The following PTPRN2 variants were observed in gnomAD, a reference collection of about 807,000 sequenced individuals.
PTPRN2 encodes the protein protein tyrosine phosphatase receptor type N2.
Under a neutral mutation model 118.8 loss-of-function variants are expected in PTPRN2, and 74 were observed. That is an observed-to-expected ratio of 0.62 (90% CI 0.52 to 0.76). PTPRN2 has a LOEUF of 0.76. PTPRN2 is among the 30% of genes least tolerant of loss of function. PTPRN2 has a pLI of 0.00. For synonymous variants in PTPRN2, 641 were observed against 608.0 expected (o/e 1.05, Z -0.80); for missense variants, 1,481 against 1,394.4 (o/e 1.06, Z -0.99).
Position 157,571,476 on chromosome 7 carries a change from T to A in PTPRN2, c.2801A>T (p.Tyr934Phe). The A allele has an allele frequency of 6.2e-7, 1 of 1,609,304 alleles. No homozygotes were observed. The change falls in exon 20 of 23, where the codon TAC becomes TTC. Residue 934 changes from tyrosine (Y) to phenylalanine (F), a missense_variant. Physicochemically the swap from Tyr to Phe is conservative, Grantham distance 22. Coordinates refer to ENST00000389418, the MANE Select transcript of PTPRN2 (RefSeq NM_002847.5). ...AATTATTGGACAAGAACGGCCCCTG[T>A]AGCACTTGTTTACTTTTCTGAAATA... is the stretch of plus-strand genomic sequence containing the variant. ...LDFRRKVNKCYRGRSCPIIVH... is the reference protein window; with the variant it reads ...LDFRRKVNKCFRGRSCPIIVH...
At chr7:158,113,881 C>G (rs967134311) in intron 9 of PTPRN2, among the ~76,000 whole-genome samples, 1 of 152,170 alleles carries the variant, frequency 6.6e-6, no homozygotes, top group Non-Finnish European at 1.5e-5. Context: ...CCGCCTTCCA[C>G]TCAGGGAGGA....
At chr7:158,122,929 G>C (rs1188678612) in intron 9 of PTPRN2, among the ~76,000 whole-genome samples, 2 of 151,996 alleles carry the variant, frequency 1.3e-5, no homozygotes, top group African/African-American at 4.8e-5. Context: ...CCTCTTCCTT[G>C]TGGGCCAGAT....
intron 3 of PTPRN2, among the ~76,000 whole-genome samples, chr7:158,270,225 G>A (rs142161893): frequency 2.3e-3 from 354 of 152,360 alleles, no homozygotes; most frequent in African/African-American, 8.3e-3. Flanking sequence ...CGTGGGCAGA[G>A]GCTGCCTGGA....
At chr7:158,552,402 T>G (rs1471321637) in intron 1 of PTPRN2, among the ~76,000 whole-genome samples, 1 of 152,228 alleles carries the variant, frequency 6.6e-6, no homozygotes, top group Non-Finnish European at 1.5e-5. Flanking sequence ...GACCATACAT[T>G]CTGGCAATAC....
At chr7:158,146,672 G>C (rs1820067102) in intron 6 of PTPRN2, among the ~76,000 whole-genome samples, 2 of 145,788 alleles carry the variant, frequency 1.4e-5, no homozygotes, top group African/African-American at 5.2e-5. Flanking sequence ...AGTGAGCTGA[G>C]ATCGCGCCAC....
chr7:157,551,935 C>A (rs1798651564), intron 21 of PTPRN2, among the ~76,000 whole-genome samples: 1 of 148,340 alleles, frequency 6.7e-6, no homozygotes, highest in African/African-American at 2.5e-5. Context: ...CACCACGCAC[C>A]CCACAGCCAC....
chr7:157,721,408 A>G (rs1391953175), intron 12 of PTPRN2, among the ~76,000 whole-genome samples: 1 of 152,256 alleles, frequency 6.6e-6, no homozygotes, highest in Non-Finnish European at 1.5e-5. Flanking sequence ...TTCTTTGCAC[A>G]TCTCAAAGAA....
intron 12 of PTPRN2, among the ~76,000 whole-genome samples, chr7:157,837,107 A>C (rs1808007718): frequency 1.1e-5 from 1 of 92,262 alleles, no homozygotes; most frequent in African/African-American, 4.1e-5. Flanking sequence ...CCACCTATCC[A>C]CTCACCACCA....
chr7:158,147,377 AC>A (rs1820219452), intron 6 of PTPRN2, among the ~76,000 whole-genome samples: 1 of 32,198 alleles, frequency 3.1e-5, no homozygotes, highest in Non-Finnish European at 5.3e-5. Context: ...CCTCAATGAC[AC>A]CCCATCTCAC....
chr7:157,982,222 G>C (rs1402855125), intron 11 of PTPRN2, among the ~76,000 whole-genome samples: 15 of 142,844 alleles, frequency 1.1e-4, no homozygotes, highest in African/African-American at 3.9e-4. Context: ...CAGAGATGAG[G>C]AGGGGAATGC....
intron 14 of PTPRN2, among the ~76,000 whole-genome samples, chr7:157,650,330 C>T (rs1430392289): frequency 6.6e-6 from 1 of 152,244 alleles, no homozygotes; most frequent in South Asian, 2.1e-4. Context: ...GACTATGTAC[C>T]CCTCCATGTG....
At chr7:157,827,815 A>C (rs1807288269) in intron 12 of PTPRN2, among the ~76,000 whole-genome samples, 1 of 151,816 alleles carries the variant, frequency 6.6e-6, no homozygotes, top group Non-Finnish European at 1.5e-5. Flanking sequence ...TGATGCTTTG[A>C]CTCAGGGACG....
chr7:158,466,373 C>T (rs1206235746), intron 2 of PTPRN2, among the ~76,000 whole-genome samples: 3 of 149,626 alleles, frequency 2.0e-5, no homozygotes, highest in South Asian at 4.2e-4. Flanking sequence ...ATGTAGTCAA[C>T]TTTTTTTTTT....
intron 11 of PTPRN2, among the ~76,000 whole-genome samples, chr7:158,026,345 G>A (rs1285986927): frequency 4.6e-5 from 7 of 151,906 alleles, no homozygotes; most frequent in African/African-American, 7.2e-5. Flanking sequence ...GGCTGGGCTC[G>A]CTGGGGGGGA....
At chr7:157,691,801 C>G (rs1797513285) in intron 12 of PTPRN2, among the ~76,000 whole-genome samples, 1 of 152,194 alleles carries the variant, frequency 6.6e-6, no homozygotes, top group Non-Finnish European at 1.5e-5. Flanking sequence ...CTGGCGCAGT[C>G]AGGCCCGCAG....
rs147172587 is a variant in PTPRN2 at position 157,807,496 on chromosome 7, C to T, written c.1788+91177G>A. 2.3e-3 allele frequency among the ~76,000 whole-genome samples: 345 copies of T among 152,312 alleles called. 4 individuals are homozygous for T. The Middle Eastern group carries it at 0.054, about 24-fold the overall frequency. ...GGTCCCAGGAGGATGGAGCCTCAGA[C>T]CTGGGGCCATGGGGAGGGAAGAGGT... On this transcript the variant is annotated intron_variant, in intron 12 of 22. Transcript: ENST00000389418.
chr7:158,193,055 C>T (rs187806698), intron 4 of PTPRN2, among the ~76,000 whole-genome samples: 1 of 152,240 alleles, frequency 6.6e-6, no homozygotes. Context: ...CTCAGCCCCT[C>T]CGCTGCAGTC....
Position 157,780,312 on chromosome 7 carries a change from AGT to A in PTPRN2, c.1789-97377_1789-97376del, listed in dbSNP as rs1254913908. 8.5e-5 allele frequency among the ~76,000 whole-genome samples: 13 copies of A among 152,316 alleles called. No homozygotes were observed. The highest frequency in any genetic ancestry group is 7.8e-4 in the Admixed American group (12 of 15,304). ...GCTAACACCTGAAATAGGATGGGAT[AGT>A]GCACACTCTGAAGGTGAAGCTTTAG... On this transcript the variant is annotated intron_variant, in intron 12 of 22. Coordinates refer to ENST00000389418, the MANE Select transcript of PTPRN2 (RefSeq NM_002847.5). This position sits in a 1 kb window ranked among gnomAD's most constrained non-coding sequence, Gnocchi z 4.5.
At chr7:158,535,437 G>C (rs1825589778) in intron 1 of PTPRN2, among the ~76,000 whole-genome samples, 1 of 152,162 alleles carries the variant, frequency 6.6e-6, no homozygotes, top group African/African-American at 2.4e-5. Context: ...CCTGCAATGG[G>C]AGGGTACCTG....
Sources: allele counts gnomAD v4.1 joint callset (sites outside exome capture counted in the v4.1 genomes callset), GRCh38; gene constraint gnomAD v4.1.1; non-coding constraint Gnocchi (gnomAD v3.1); transcripts MANE v1.5; gene names NCBI Gene and HGNC (gene_info 2026-07-23, HGNC 2026-07-21).